TMCO5A: variants seen among roughly 807,000 people sequenced by gnomAD.
TMCO5A encodes the protein transmembrane and coiled-coil domain-containing protein 5A.
In TMCO5A, 34 loss-of-function variants were observed where a neutral mutation model predicts 42.3. The observed-to-expected ratio is 0.80, with a 90% CI of 0.61 to 1.07. TMCO5A has a LOEUF of 1.07. TMCO5A is among the 50% of genes least tolerant of loss of function. The pLI is 0.00. For synonymous variants in TMCO5A, 131 were observed against 115.6 expected (o/e 1.13, Z -0.86); for missense variants, 357 against 327.9 (o/e 1.09, Z -0.69).
the TMCO5A span, among the ~76,000 whole-genome samples, chr15:38,014,212 C>T: frequency 6.6e-6 from 1 of 152,110 alleles, no homozygotes; most frequent in Non-Finnish European, 1.5e-5. Flanking sequence ...GCATAGATAT[C>T]TTTGGGAGGC....
the TMCO5A span, among the ~76,000 whole-genome samples, chr15:38,038,638 C>T: frequency 1.3e-5 from 2 of 152,104 alleles, no homozygotes; most frequent in African/African-American, 4.8e-5. Flanking sequence ...GATCTCCTGA[C>T]CTCATGATCT....
chr15:37,940,969 A>G (rs117973417), intron 6 of TMCO5A, among the ~76,000 whole-genome samples, 180 bp from the exon 7 acceptor site: 1,556 of 152,138 alleles, frequency 0.01, 12 homozygotes, highest in Non-Finnish European at 0.016. Flanking sequence ...AAGGAATATA[A>G]AAGAGCAAGT....
At chr15:38,014,811 A>G in the TMCO5A span, among the ~76,000 whole-genome samples, 7 of 143,114 alleles carry the variant, frequency 4.9e-5, no homozygotes, top group Non-Finnish European at 7.5e-5. Flanking sequence ...ACACTGTATT[A>G]GTCAAGGTTC....
chr15:37,970,340 T>A (rs1890649905), downstream of TMCO5A, among the ~76,000 whole-genome samples: 1 of 152,182 alleles, frequency 6.6e-6, no homozygotes, highest in Non-Finnish European at 1.5e-5. Context: ...CCATCTGCTC[T>A]CCTGAGACTT....
the TMCO5A span, among the ~76,000 whole-genome samples, chr15:38,002,635 G>C: frequency 3.3e-5 from 5 of 151,814 alleles, no homozygotes; most frequent in African/African-American, 1.2e-4. Flanking sequence ...CTGTTAAGAG[G>C]CTCTGATGTG....
the TMCO5A span, among the ~76,000 whole-genome samples, chr15:37,985,791 A>C: frequency 6.6e-6 from 1 of 152,272 alleles, no homozygotes; most frequent in African/African-American, 2.4e-5. Flanking sequence ...TCTAAAATCA[A>C]GTTATGTTCT....
chr15:37,988,292 C>G, the TMCO5A span, among the ~76,000 whole-genome samples: 3 of 151,946 alleles, frequency 2.0e-5, no homozygotes, highest in African/African-American at 7.2e-5. Flanking sequence ...CATCTGTAAA[C>G]AGAGATACTT....
the TMCO5A span, among the ~76,000 whole-genome samples, chr15:37,983,270 T>C: frequency 6.6e-6 from 1 of 152,206 alleles, no homozygotes; most frequent in African/African-American, 2.4e-5. Flanking sequence ...ATCATTGTTT[T>C]ACACAATCTT....
At chr15:37,999,041 G>A in the TMCO5A span, among the ~76,000 whole-genome samples, 3 of 152,260 alleles carry the variant, frequency 2.0e-5, no homozygotes, top group Admixed American at 2.0e-4. Flanking sequence ...CTAGTAGCTG[G>A]AATTACAGGC....
chr15:38,014,071 G>A, the TMCO5A span, among the ~76,000 whole-genome samples: 77 of 152,260 alleles, frequency 5.1e-4, no homozygotes, highest in African/African-American at 1.8e-3. Flanking sequence ...TCTAAGGACT[G>A]TTGCAATTAC....
chr15:37,964,258 T>C (rs1045532254), intron 11 of TMCO5A, among the ~76,000 whole-genome samples: 5 of 152,148 alleles, frequency 3.3e-5, no homozygotes, highest in Admixed American at 6.6e-5. Flanking sequence ...ACTGCAGTGA[T>C]TGTTGCCTCT....
rs776581165 is a variant in TMCO5A at position 37,936,919 on chromosome 15, G to T, written c.213G>T (p.Thr71=). ...AGTGGGAGAAGGAGAACCGCACCACGATGGAAAGGGAAAGAGCCTTGCAGG... is the reference window on the plus strand; with the variant it reads ...AGTGGGAGAAGGAGAACCGCACCACTATGGAAAGGGAAAGAGCCTTGCAGG... ...DEEWEKENRT[T]MERERALQEL... is the part of the protein sequence containing the mutation. Residue 71 remains threonine (T), a synonymous_variant, in exon 4 of 12, where the codon ACG becomes ACT. Transcript: ENST00000319669. The T allele has an allele frequency of 3.1e-6, 5 of 1,612,596 alleles. No homozygotes were observed. The South Asian group carries it at 4.4e-5, about 14-fold the overall frequency.
the TMCO5A span, among the ~76,000 whole-genome samples, chr15:38,000,981 G>A: frequency 6.6e-6 from 1 of 152,028 alleles, no homozygotes; most frequent in South Asian, 2.1e-4. Flanking sequence ...TGCAACCATT[G>A]GATGAAATGT....
At chr15:37,942,134 A>T (rs1428165038) in intron 8 of TMCO5A, 57 bp from the exon 9 acceptor site, 129 of 1,523,532 alleles carry the variant, frequency 8.5e-5, no homozygotes, top group Non-Finnish European at 1.1e-4. Flanking sequence ...TATTATGCTT[A>T]GAAAAATTGT....
the TMCO5A span, among the ~76,000 whole-genome samples, chr15:37,983,719 G>GTTTTTTTTT: frequency 7.2e-6 from 1 of 138,960 alleles, no homozygotes. Flanking sequence ...TCTTTTTACT[G>GTTTTTTTTT]TTTTTTTTTT....
the TMCO5A span, among the ~76,000 whole-genome samples, chr15:38,030,157 A>C: frequency 1.3e-5 from 2 of 152,144 alleles, no homozygotes; most frequent in Admixed American, 1.3e-4. Context: ...ACTAAAAGCA[A>C]AATCCACCAT....
the TMCO5A span, among the ~76,000 whole-genome samples, chr15:38,035,289 T>C: frequency 6.6e-6 from 1 of 152,200 alleles, no homozygotes; most frequent in African/African-American, 2.4e-5. Flanking sequence ...TATTTAGACA[T>C]GTAGGATGCC....
the TMCO5A span, among the ~76,000 whole-genome samples, chr15:37,992,989 CT>C: frequency 6.6e-6 from 1 of 152,198 alleles, no homozygotes; most frequent in African/African-American, 2.4e-5. Context: ...ACAAGTACCC[CT>C]GAACCTAAAA....
At chr15:38,002,831 T>C in the TMCO5A span, among the ~76,000 whole-genome samples, 3,537 of 152,304 alleles carry the variant, frequency 0.023, 149 homozygotes, top group African/African-American at 0.081. Flanking sequence ...AGGTCACATA[T>C]CTCTGTGTCT....
Sources: gnomAD v4.1 joint callset for allele counts (sites outside exome capture counted in the v4.1 genomes callset) on GRCh38, gnomAD v4.1.1 for gene constraint, MANE v1.5 for transcripts, NCBI Gene and HGNC (gene_info 2026-07-23, HGNC 2026-07-21) for gene names.